GBF1: variants seen among roughly 807,000 people sequenced by gnomAD.
GBF1 encodes the protein Golgi-specific brefeldin A-resistance guanine nucleotide exchange factor 1.
In GBF1, 114 loss-of-function variants were observed where a neutral mutation model predicts 210.5. The observed-to-expected ratio is 0.54, with a 90% CI of 0.47 to 0.63. The LOEUF is 0.63. Among genes scored for constraint, GBF1 ranks in the 30% least tolerant of loss-of-function variants. The pLI, the probability that GBF1 is intolerant of heterozygous loss-of-function variation, is 0.00. For synonymous variants in GBF1, 850 were observed against 889.2 expected (o/e 0.96, Z 0.78); for missense variants, 1,851 against 2,357.7 (o/e 0.79, Z 4.45).
chr10:102,258,986 G>A lies in GBF1; in HGVS notation c.48G>A (p.Val16=). Residue 16 remains valine (V), a synonymous_variant, in exon 2 of 40, where the codon GTG becomes GTA. Transcript: ENST00000369983. ...IYIIQGEINI[V]VGAIKRNARW... ...TCATTCAAGGGGAGATTAACATTGTGGTTGGGGCCATCAAACGAAATGCCC... is the reference window on the plus strand; with the variant it reads ...TCATTCAAGGGGAGATTAACATTGTAGTTGGGGCCATCAAACGAAATGCCC... 1 of 1,609,170 alleles carries A rather than the reference G, an allele frequency of 6.2e-7. No homozygotes were observed. The highest frequency in any genetic ancestry group is 8.5e-7 in the Non-Finnish European group (1 of 1,175,564).
intron 1 of GBF1, among the ~76,000 whole-genome samples, chr10:102,257,782 A>G (rs1328656320): frequency 6.6e-6 from 1 of 150,660 alleles, no homozygotes. Context: ...AGAGCGAGAG[A>G]GAGTGTCTCG....
At position 102,376,671 on chromosome 10, in the gene GBF1, A is replaced by G. The variant is rs778843479; in HGVS notation, c.4159A>G (p.Thr1387Ala). ...TVGLDLGPHD[T>A]KSLLKCVESL... ...GGGACTGGATTTGGGGCCACACGAC[A>G]CTAAGTCTCTGCTTAAGTGTGTGGA... Residue 1387 changes from threonine to alanine, a missense_variant, in exon 32 of 40, where the codon ACT (threonine) becomes GCT (alanine). This residue lies in a region of GBF1 where 967 missense variants were observed against 1,247.7 expected (regional missense o/e 0.78). Transcript: ENST00000369983. The G allele has an allele frequency of 6.2e-7, 1 of 1,613,994 alleles. No individual in the cohort carries two copies.
At chr10:102,248,332 A>G (rs555038184) in intron 1 of GBF1, among the ~76,000 whole-genome samples, 2 of 152,230 alleles carry the variant, frequency 1.3e-5, no homozygotes, top group Non-Finnish European at 2.9e-5. Flanking sequence ...AACTAAATGA[A>G]AATATAATAA....
chr10:102,338,363 C>T (rs1315669822), intron 3 of GBF1, among the ~76,000 whole-genome samples: 1 of 151,080 alleles, frequency 6.6e-6, no homozygotes, highest in Non-Finnish European at 1.5e-5. Flanking sequence ...GCCTCAGCCT[C>T]CAAAGTAGCT....
intron 1 of GBF1, among the ~76,000 whole-genome samples, chr10:102,253,022 G>A (rs1015960454): frequency 6.6e-6 from 1 of 152,060 alleles, no homozygotes; most frequent in African/African-American, 2.4e-5. Flanking sequence ...AGCCTCCTGA[G>A]TAGCTGGGAT....
At chr10:102,319,036 GGCTGGGC>G (rs2134119744) in intron 3 of GBF1, among the ~76,000 whole-genome samples, 1 of 152,030 alleles carries the variant, frequency 6.6e-6, no homozygotes, top group South Asian at 2.1e-4. Flanking sequence ...AGCCTGGGTA[GGCTGGGC>G]GCAGTGGCTC....
At chr10:102,320,311 A>G (rs1291668015) in intron 3 of GBF1, among the ~76,000 whole-genome samples, 1 of 151,946 alleles carries the variant, frequency 6.6e-6, no homozygotes, top group Non-Finnish European at 1.5e-5. Context: ...TCAGTCCTTT[A>G]TATTTAAACT....
chr10:102,297,243 G>A (rs2076984425), intron 3 of GBF1, among the ~76,000 whole-genome samples: 1 of 152,098 alleles, frequency 6.6e-6, no homozygotes, highest in African/African-American at 2.4e-5. Context: ...TCTAAGTCCA[G>A]AGCACTAAGC....
At chr10:102,333,076 A>G (rs550739510) in intron 3 of GBF1, among the ~76,000 whole-genome samples, 3 of 152,336 alleles carry the variant, frequency 2.0e-5, no homozygotes, top group South Asian at 2.1e-4. Context: ...TTAAATTACT[A>G]TCACCACCAC....
chr10:102,314,019 T>A (rs983715936), intron 3 of GBF1, among the ~76,000 whole-genome samples: 1 of 151,990 alleles, frequency 6.6e-6, no homozygotes, highest in Non-Finnish European at 1.5e-5. Flanking sequence ...GAACAGGGAT[T>A]ATAAGTAATC....
At chr10:102,347,283 C>T (rs2058638863) in intron 4 of GBF1, among the ~76,000 whole-genome samples, 1 of 152,210 alleles carries the variant, frequency 6.6e-6, no homozygotes. Context: ...GGATCCTGAG[C>T]AGGAATCCTG....
intron 3 of GBF1, among the ~76,000 whole-genome samples, chr10:102,292,506 G>A (rs886403454): frequency 1.3e-5 from 2 of 152,090 alleles, no homozygotes. Flanking sequence ...TGGGGCTACA[G>A]GTGTGTGCCA....
At chr10:102,295,658 G>A (rs1054142224) in intron 3 of GBF1, among the ~76,000 whole-genome samples, 4 of 152,104 alleles carry the variant, frequency 2.6e-5, no homozygotes, top group Admixed American at 1.3e-4. Context: ...ATATTTGGGC[G>A]TTTGTTAGTC....
the GBF1 span, among the ~76,000 whole-genome samples, chr10:102,233,304 C>CTTTT: frequency 7.4e-3 from 794 of 107,884 alleles, 33 homozygotes; most frequent in African/African-American, 0.025. Context: ...TTTTTTCCTT[C>CTTTT]TTTTTTTTTT....
At chr10:102,320,049 C>G (rs2056252356) in intron 3 of GBF1, among the ~76,000 whole-genome samples, 1 of 152,018 alleles carries the variant, frequency 6.6e-6, no homozygotes, top group Non-Finnish European at 1.5e-5. Context: ...TTTACTGTCT[C>G]ACATTGGTTT....
At chr10:102,260,958 T>A (rs1319464679) in intron 3 of GBF1, among the ~76,000 whole-genome samples, 1 of 152,142 alleles carries the variant, frequency 6.6e-6, no homozygotes, top group Non-Finnish European at 1.5e-5. Context: ...ATATAATATA[T>A]TCATATGTTT....
At chr10:102,301,958 A>G (rs1407186051) in intron 3 of GBF1, among the ~76,000 whole-genome samples, 3 of 152,192 alleles carry the variant, frequency 2.0e-5, no homozygotes, top group African/African-American at 7.2e-5. Context: ...ACGCCACTGC[A>G]CTCCAGCCTG....
chr10:102,309,166 A>G (rs1385185439), intron 3 of GBF1, among the ~76,000 whole-genome samples: 3 of 152,198 alleles, frequency 2.0e-5, no homozygotes, highest in African/African-American at 4.8e-5. Context: ...GAGGGCTTCA[A>G]TTTGCACAAC....
intron 3 of GBF1, among the ~76,000 whole-genome samples, chr10:102,321,494 A>G (rs1216443097): frequency 1.3e-5 from 2 of 152,238 alleles, no homozygotes; most frequent in Non-Finnish European, 2.9e-5. Context: ...TTCTTTTGCC[A>G]ATAGTATACT....
Sources: gnomAD v4.1 joint callset for allele counts (sites outside exome capture counted in the v4.1 genomes callset) on GRCh38, gnomAD v4.1.1 for gene constraint, gnomAD v4.1.1 regional missense constraint, MANE v1.5 for transcripts, NCBI Gene and HGNC (gene_info 2026-07-23, HGNC 2026-07-21) for gene names.